The following UBE2G1 variants were observed in gnomAD, a reference collection of about 807,000 sequenced individuals.
The protein encoded by UBE2G1 is ubiquitin-conjugating enzyme E2 G1.
In UBE2G1, 5 loss-of-function variants were observed where a neutral mutation model predicts 22.7. The ratio of observed to expected loss-of-function variants is 0.22; its 90% CI spans 0.12 to 0.46. The LOEUF (loss-of-function observed/expected upper bound fraction) is 0.46, where lower values mean the gene tolerates loss of function less well. UBE2G1 is among the 20% of genes least tolerant of loss of function. The probability of loss-of-function intolerance (pLI) is 0.99; values close to 1 mark genes in which losing one functional copy is unlikely to be tolerated. For missense variants in UBE2G1, 88 were observed against 203.9 expected (o/e 0.43, Z 3.46); for synonymous variants, 74 against 67.5 (o/e 1.10, Z -0.47).
chr17:4,348,325 G>A lies in UBE2G1; in HGVS notation c.46+17946C>T, dbSNP rs543421105. 5.3e-5 allele frequency among the ~76,000 whole-genome samples: 8 copies of A among 151,330 alleles called. No homozygotes were observed. The East Asian group carries it at 5.9e-4, about 11-fold the overall frequency. On this transcript the variant is annotated intron_variant, in intron 1 of 5. Transcript: ENST00000396981. Reference sequence around the variant, plus strand: ...TCCCAGCACTTTGGGAGGCCGAGGCGGGCGGATCACGAGGTCAGGAGATCG... The same window carrying A: ...TCCCAGCACTTTGGGAGGCCGAGGCAGGCGGATCACGAGGTCAGGAGATCG...
At chr17:4,284,838 C>CTT (rs1176508350) in intron 4 of UBE2G1, among the ~76,000 whole-genome samples, 4 of 22,316 alleles carry the variant, frequency 1.8e-4, no homozygotes, top group African/African-American at 3.7e-4. Flanking sequence ...TCTTTTCTTT[C>CTT]TTTTTTTTTT....
Position 4,301,469 on chromosome 17 carries a change from T to G in UBE2G1, c.150-4655A>C, listed in dbSNP as rs549768427. The G allele has an allele frequency of 2.8e-5, 22 of 783,056 alleles. No individual in the cohort carries two copies. The African/African-American group carries it at 3.4e-4, about 12-fold the overall frequency. The allele number at this position is 783,056 out of a possible 1,614,324, so 48.5% of individuals were successfully genotyped here. ...TTGGCTTCAGCAGCTATTTTTGCTA[T>G]AATAATCCTGCTGCCCTTCAGACTC... On this transcript the variant is annotated intron_variant, in intron 2 of 5. Coordinates refer to ENST00000396981, the MANE Select transcript of UBE2G1 (RefSeq NM_003342.5).
intron 5 of UBE2G1, among the ~76,000 whole-genome samples, chr17:4,279,687 A>T (rs908539784): frequency 1.3e-5 from 2 of 151,734 alleles, no homozygotes; most frequent in African/African-American, 2.4e-5. Flanking sequence ...AGGCACTAGA[A>T]CTGCTTGAAC....
chr17:4,350,377 T>C (rs1432802396), intron 1 of UBE2G1, among the ~76,000 whole-genome samples: 1 of 152,018 alleles, frequency 6.6e-6, no homozygotes, highest in African/African-American at 2.4e-5. Context: ...GAGAATTGCT[T>C]GAACCTGGGA....
At chr17:4,363,319 G>A (rs1969990103) in intron 1 of UBE2G1, among the ~76,000 whole-genome samples, 1 of 152,070 alleles carries the variant, frequency 6.6e-6, no homozygotes, top group African/African-American at 2.4e-5. Context: ...CAAGAAGGCA[G>A]GAAAACTTAA....
chr17:4,275,783 C>A (rs1002051743), intron 5 of UBE2G1, among the ~76,000 whole-genome samples: 1 of 152,104 alleles, frequency 6.6e-6, no homozygotes, highest in Non-Finnish European at 1.5e-5. Context: ...TTACCCTTCA[C>A]AAAAAAATGC....
intron 1 of UBE2G1, among the ~76,000 whole-genome samples, chr17:4,330,702 G>A (rs538959380): frequency 2.0e-5 from 3 of 151,472 alleles, no homozygotes; most frequent in Non-Finnish European, 3.0e-5. Context: ...GCACCATTGC[G>A]CTCCAGCCTG....
In UBE2G1 at chr17:4,270,172, C is replaced by T. The variant is rs184704147; in HGVS notation, c.*2382G>A. On this transcript the variant is annotated 3_prime_UTR_variant, in exon 6 of 6. Transcript: ENST00000396981. ...AACCCACATGGTTTTATCAAACTAACTGCATTAAAGTGGCACTTAAAGTTC... is the reference window on the plus strand; with the variant it reads ...AACCCACATGGTTTTATCAAACTAATTGCATTAAAGTGGCACTTAAAGTTC... 6.6e-6 allele frequency: 1 copy of T among 152,638 alleles called. No individual in the cohort carries two copies. Among genetic ancestry groups the T allele is most frequent in the Admixed American group, 6.5e-5 (1 of 15,292 alleles). 9.5% of individuals were successfully genotyped at this position (152,638 alleles called of 1,614,324 possible).
intron 1 of UBE2G1, among the ~76,000 whole-genome samples, 177 bp downstream of exon 1, chr17:4,366,090 GCCCT>G (rs1241028277): frequency 6.6e-6 from 1 of 152,088 alleles, no homozygotes; most frequent in Non-Finnish European, 1.5e-5. Context: ...CGCCCCCAGT[GCCCT>G]CCAAGAGCCG....
At chr17:4,315,505 C>G (rs1028301517) in intron 1 of UBE2G1, among the ~76,000 whole-genome samples, 1 of 151,922 alleles carries the variant, frequency 6.6e-6, no homozygotes, top group African/African-American at 2.4e-5. Context: ...CTTTCGGAGG[C>G]TGAGACGGGC....
At chr17:4,345,949 G>T (rs556392458) in intron 1 of UBE2G1, among the ~76,000 whole-genome samples, 1 of 152,258 alleles carries the variant, frequency 6.6e-6, no homozygotes, top group East Asian at 1.9e-4. Context: ...CATATAATTT[G>T]GATACCAAGT....
At chr17:4,277,616 T>C (rs1007195654) in intron 5 of UBE2G1, among the ~76,000 whole-genome samples, 1 of 152,222 alleles carries the variant, frequency 6.6e-6, no homozygotes, top group Non-Finnish European at 1.5e-5. Flanking sequence ...CCCACAGTAA[T>C]CCGTGCATTT....
At position 4,307,372 on chromosome 17, in the gene UBE2G1, G is replaced by A. The variant is rs1447459654; in HGVS notation, c.47-249C>T. On this transcript the variant is annotated intron_variant, in intron 1 of 5. Transcript: ENST00000396981. Reference sequence around the variant, plus strand: ...TCCAGCCAGGCTCTTGTCATTCTAAGTGGCCCTACAGTGGTCTTTTAAGGA... The same window carrying A: ...TCCAGCCAGGCTCTTGTCATTCTAAATGGCCCTACAGTGGTCTTTTAAGGA... Among the ~76,000 whole-genome samples the A allele has an allele frequency of 2.0e-5, 3 of 152,256 alleles. No individual in the cohort carries two copies. In the East Asian group the frequency reaches 5.8e-4, roughly 29 times the overall value.
At chr17:4,274,624 C>T (rs1968800738) in intron 5 of UBE2G1, among the ~76,000 whole-genome samples, 1 of 152,134 alleles carries the variant, frequency 6.6e-6, no homozygotes. Flanking sequence ...TATGTCTTTC[C>T]AAAAGACATG....
intron 1 of UBE2G1, 32 bp downstream of exon 1, chr17:4,366,239 C>T (rs777793501): frequency 2.2e-5 from 33 of 1,521,894 alleles, no homozygotes; most frequent in Admixed American, 2.0e-5. Flanking sequence ...CGATCGCGGC[C>T]GGGCCCGGCG....
At chr17:4,339,849 C>CA (rs1183389003) in intron 1 of UBE2G1, among the ~76,000 whole-genome samples, 113 of 137,908 alleles carry the variant, frequency 8.2e-4, no homozygotes, top group Middle Eastern at 7.6e-3. Context: ...AACTGCATCT[C>CA]AAAAAAAAAA....
At chr17:4,349,837 C>T (rs1459884023) in intron 1 of UBE2G1, among the ~76,000 whole-genome samples, 1 of 120,220 alleles carries the variant, frequency 8.3e-6, no homozygotes, top group Non-Finnish European at 1.6e-5. Context: ...AGCGAGATTC[C>T]GTCTCAAAAA....
intron 1 of UBE2G1, among the ~76,000 whole-genome samples, chr17:4,318,684 T>G (rs1969403837): frequency 6.6e-6 from 1 of 152,206 alleles, no homozygotes; most frequent in South Asian, 2.1e-4. Flanking sequence ...ACATCCCAGT[T>G]GGTCCCTAAT....
intron 1 of UBE2G1, among the ~76,000 whole-genome samples, chr17:4,323,085 A>G (rs1969461763): frequency 6.6e-6 from 1 of 152,226 alleles, no homozygotes. Flanking sequence ...CTTTCCCCCA[A>G]TGAATTGCAG....
Sources: gnomAD v4.1 joint callset for allele counts (sites outside exome capture counted in the v4.1 genomes callset) on GRCh38, gnomAD v4.1.1 for gene constraint, MANE v1.5 for transcripts, NCBI Gene and HGNC (gene_info 2026-07-23, HGNC 2026-07-21) for gene names.